The following SCD5 variants were observed in gnomAD, a reference collection of about 807,000 sequenced individuals.
The protein encoded by SCD5 is stearoyl-CoA desaturase 5.
Under a neutral mutation model 30.4 loss-of-function variants are expected in SCD5, and 20 were observed. The ratio of observed to expected loss-of-function variants is 0.66; its 90% CI spans 0.46 to 0.96. The LOEUF (loss-of-function observed/expected upper bound fraction) is 0.96, where lower values mean the gene tolerates loss of function less well. SCD5 is among the 40% of genes least tolerant of loss of function. The pLI is 0.00. For synonymous variants in SCD5, 173 were observed against 176.4 expected (o/e 0.98, Z 0.16); for missense variants, 381 against 443.3 (o/e 0.86, Z 1.26).
chr4:82,712,795 T>C (rs1324074978), intron 1 of SCD5, among the ~76,000 whole-genome samples: 1 of 152,224 alleles, frequency 6.6e-6, no homozygotes, highest in Non-Finnish European at 1.5e-5. Flanking sequence ...CAAGGACCTC[T>C]ACGGCTACTT....
intron 2 of SCD5, among the ~76,000 whole-genome samples, chr4:82,695,945 T>G (rs753582783): frequency 3.9e-5 from 6 of 152,208 alleles, no homozygotes; most frequent in Admixed American, 1.3e-4. Flanking sequence ...CCACATTGTC[T>G]TTTTATAAGA....
chr4:82,790,908 T>C (rs897527953), intron 1 of SCD5, among the ~76,000 whole-genome samples: 1 of 152,328 alleles, frequency 6.6e-6, no homozygotes, highest in East Asian at 1.9e-4. Flanking sequence ...CAAGTGATTC[T>C]GATGTGCCAC....
chr4:82,650,955 ATAACTG>A (rs997005157), intron 3 of SCD5, among the ~76,000 whole-genome samples: 7 of 62,426 alleles, frequency 1.1e-4, no homozygotes, highest in East Asian at 0.026. Flanking sequence ...TTTAGGAAAA[ATAACTG>A]TATTTTTCAA....
intron 3 of SCD5, among the ~76,000 whole-genome samples, chr4:82,651,513 G>A (rs1727749772): frequency 6.6e-6 from 1 of 152,172 alleles, no homozygotes; most frequent in Admixed American, 6.5e-5. Context: ...TAAGTACAGT[G>A]TACACTGCTT....
At chr4:82,693,639 G>C (rs115566412) in intron 2 of SCD5, among the ~76,000 whole-genome samples, 1,703 of 152,296 alleles carry the variant, frequency 0.011, 40 homozygotes, top group African/African-American at 0.038. Flanking sequence ...AAAGGGCTCT[G>C]TGTTGGAACA....
At chr4:82,744,207 C>T (rs1269937103) in intron 1 of SCD5, among the ~76,000 whole-genome samples, 2 of 152,162 alleles carry the variant, frequency 1.3e-5, no homozygotes, top group Non-Finnish European at 2.9e-5. Flanking sequence ...TTTACAATTT[C>T]TCCCAAATAT....
intron 3 of SCD5, among the ~76,000 whole-genome samples, chr4:82,670,411 T>C (rs992352177): frequency 1.3e-5 from 2 of 152,120 alleles, no homozygotes; most frequent in Admixed American, 6.5e-5. Flanking sequence ...CTGGACATGG[T>C]TGAGGAAAGA....
chr4:82,702,938 T>C (rs776748205), intron 2 of SCD5, among the ~76,000 whole-genome samples: 1 of 152,220 alleles, frequency 6.6e-6, no homozygotes, highest in Admixed American at 6.5e-5. Flanking sequence ...CTGCATGTTA[T>C]GGAAACTGGC....
intron 3 of SCD5, among the ~76,000 whole-genome samples, chr4:82,655,425 T>C (rs1727850001): frequency 1.3e-5 from 2 of 152,358 alleles, no homozygotes; most frequent in South Asian, 4.1e-4. Context: ...GTGTGTTAGC[T>C]AGGTTTGTGC....
chr4:82,753,364 C>T (rs1721148553), intron 1 of SCD5: 1 of 533,578 alleles, frequency 1.9e-6, no homozygotes, highest in African/African-American at 1.9e-5. Flanking sequence ...TCCTGTCCAA[C>T]TGGCTCATTG....
chr4:82,694,242 G>A (rs1160111351), intron 2 of SCD5, among the ~76,000 whole-genome samples: 2 of 152,124 alleles, frequency 1.3e-5, no homozygotes, highest in African/African-American at 2.4e-5. Context: ...AGCCCACACC[G>A]TGCTTAGCAG....
At chr4:82,669,131 C>G (rs1388713880) in intron 3 of SCD5, among the ~76,000 whole-genome samples, 3 of 151,898 alleles carry the variant, frequency 2.0e-5, no homozygotes, top group Admixed American at 2.0e-4. Flanking sequence ...GTTGCAAATC[C>G]CCAGATGATA....
chr4:82,668,533 T>C (rs1016139538), intron 3 of SCD5, among the ~76,000 whole-genome samples: 5 of 152,172 alleles, frequency 3.3e-5, no homozygotes, highest in African/African-American at 1.2e-4. Flanking sequence ...ACTCAAAACA[T>C]AGTTGTCAAA....
intron 1 of SCD5, among the ~76,000 whole-genome samples, chr4:82,713,767 C>G (rs1241999629): frequency 6.6e-6 from 1 of 152,186 alleles, no homozygotes; most frequent in South Asian, 2.1e-4. Context: ...TTTACTATTA[C>G]CCAGCAACCA....
chr4:82,709,267 C>T (rs373324183), intron 1 of SCD5, among the ~76,000 whole-genome samples: 1 of 152,192 alleles, frequency 6.6e-6, no homozygotes, highest in African/African-American at 2.4e-5. Context: ...CCTACACCAT[C>T]ATTCTGCATC....
chr4:82,638,697 G>A (rs1370564651), intron 3 of SCD5, among the ~76,000 whole-genome samples: 4 of 152,200 alleles, frequency 2.6e-5, no homozygotes, highest in Non-Finnish European at 5.9e-5. Flanking sequence ...GTGCCAGCAG[G>A]TGGCTGAACA....
intron 1 of SCD5, among the ~76,000 whole-genome samples, chr4:82,741,951 A>T (rs1036456652): frequency 7.3e-5 from 11 of 151,710 alleles, no homozygotes; most frequent in Non-Finnish European, 1.5e-4. Flanking sequence ...AAAGATGGGC[A>T]TGCCTGTAGT....
At chr4:82,780,178 T>C (rs1192765781) in intron 1 of SCD5, among the ~76,000 whole-genome samples, 5 of 152,234 alleles carry the variant, frequency 3.3e-5, no homozygotes, top group African/African-American at 1.2e-4. Context: ...GCATGTGCTG[T>C]TACAGCTGTT....
chr4:82,690,795 T>C (rs540397793), intron 2 of SCD5, among the ~76,000 whole-genome samples: 3 of 152,348 alleles, frequency 2.0e-5, no homozygotes, highest in African/African-American at 7.2e-5. Context: ...ATTTGACTGA[T>C]ATTTACTGAC....
Sources: gnomAD v4.1 joint callset for allele counts (sites outside exome capture counted in the v4.1 genomes callset) on GRCh38, gnomAD v4.1.1 for gene constraint, MANE v1.5 for transcripts, NCBI Gene and HGNC (gene_info 2026-07-23, HGNC 2026-07-21) for gene names.